Variants in BLK observed in about 807,000 individuals in gnomAD.
BLK encodes BLK proto-oncogene, Src family tyrosine kinase.
In BLK, 64 loss-of-function variants were observed where a neutral mutation model predicts 61.8. The ratio of observed to expected loss-of-function variants is 1.03; its 90% confidence interval spans 0.85 to 1.27. BLK has a LOEUF of 1.27. BLK is among the 50% of genes most tolerant of loss of function. The pLI, the probability that BLK is intolerant of heterozygous loss-of-function variation, is 0.00. For synonymous variants in BLK, 351 were observed against 272.0 expected, an observed-to-expected ratio of 1.29 and a Z score of -2.86; for missense variants, 853 against 660.5, an observed-to-expected ratio of 1.29 and a Z score of -3.19.
chr8:11,543,296 C>T lies in BLK; in HGVS notation c.72C>T (p.Ser24=), dbSNP rs138428717. The part of the protein sequence containing the change: ...PIKEKDKGQW[S]PLKVSAQDKD... ...AAGAGAAGGACAAGGGCCAATGGAG[C>T]CCCCTGAAGGTCAGCGCCCAAGACA... The change falls in exon 2 of 13, where the codon AGC becomes AGT. Residue 24 remains serine, a synonymous_variant. Coordinates refer to ENST00000259089, the MANE Select transcript of BLK (RefSeq NM_001715.3). The T allele has an allele frequency of 1.4e-4, 218 of 1,613,634 alleles. No individual in the cohort carries two copies. Among genetic ancestry groups the T allele is most frequent in the Non-Finnish European group, 1.8e-4 (211 of 1,180,026 alleles).
chr8:11,538,814 C>T (rs147424573), intron 1 of BLK, among the ~76,000 whole-genome samples: 162 of 152,328 alleles, frequency 1.1e-3, no homozygotes, highest in Non-Finnish European at 2.1e-3. Context: ...GGCCACTTAA[C>T]GGTCATTGTC....
chr8:11,560,731 G>T (rs1249994072), intron 10 of BLK: 1 of 405,820 alleles, frequency 2.5e-6, no homozygotes, highest in Non-Finnish European at 5.1e-6. Context: ...GCAGGCGCTG[G>T]GTGAGGTTCT....
Position 11,563,036 on chromosome 8 carries a change from C to T in BLK, c.1238C>T (p.Thr413Ile). 3.7e-6 allele frequency: 6 copies of T among 1,614,178 alleles called. No individual in the cohort carries two copies. Among genetic ancestry groups the T allele is most frequent in the Non-Finnish European group, 5.1e-6 (6 of 1,180,042 alleles). ...GAAGCCATCCACTTCGGGGTCTTCACCATCAAAGCAGACGTGTGGTCGTTT... is the reference window on the plus strand; with the variant it reads ...GAAGCCATCCACTTCGGGGTCTTCATCATCAAAGCAGACGTGTGGTCGTTT... ...APEAIHFGVF[T>I]IKADVWSFGV... is the part of the protein sequence containing the mutation. Residue 413 changes from threonine to isoleucine, a missense_variant, in exon 12 of 13, where the codon ACC (threonine) becomes ATC (isoleucine). Physicochemically the swap from Thr to Ile is moderately conservative, Grantham distance 89 (BLOSUM62 -1). Coordinates refer to ENST00000259089, the MANE Select transcript of BLK (RefSeq NM_001715.3).
chr8:11,540,484 G>A (rs1282260453), intron 1 of BLK, among the ~76,000 whole-genome samples: 2 of 152,046 alleles, frequency 1.3e-5, no homozygotes, highest in African/African-American at 4.8e-5. Flanking sequence ...GTCATGTAAA[G>A]CTTCAGATGA....
At chr8:11,495,582 G>A (rs1798333894) in intron 1 of BLK, among the ~76,000 whole-genome samples, 1 of 143,320 alleles carries the variant, frequency 7.0e-6, no homozygotes, top group South Asian at 2.4e-4. Flanking sequence ...GAAAACATCA[G>A]ACAAATCCAA....
chr8:11,532,220 A>G (rs1333021473), intron 1 of BLK, among the ~76,000 whole-genome samples: 1 of 96,610 alleles, frequency 1.0e-5, no homozygotes, highest in Non-Finnish European at 2.5e-5. Context: ...TTTATTTGAG[A>G]CAAAATCTCG....
chr8:11,555,136 T>G (rs1028556231), intron 7 of BLK, among the ~76,000 whole-genome samples, 196 bp from the exon 8 acceptor site: 3 of 152,098 alleles, frequency 2.0e-5, no homozygotes, highest in Non-Finnish European at 4.4e-5. Context: ...CAGGTCGATT[T>G]TAGAGATAGC....
chr8:11,553,910 A>AG (rs987322577), intron 6 of BLK, among the ~76,000 whole-genome samples: 77 of 152,168 alleles, frequency 5.1e-4, no homozygotes, highest in African/African-American at 1.8e-3. Context: ...AACGAGAACG[A>AG]GGGGTCCGTG....
At chr8:11,536,656 C>G (rs1224681665) in intron 1 of BLK, among the ~76,000 whole-genome samples, 1 of 152,186 alleles carries the variant, frequency 6.6e-6, no homozygotes, top group Non-Finnish European at 1.5e-5. Flanking sequence ...GATCTCCCAC[C>G]TCAACCTCGC....
intron 1 of BLK, among the ~76,000 whole-genome samples, chr8:11,534,275 G>A (rs990917901): frequency 6.6e-6 from 1 of 152,158 alleles, no homozygotes; most frequent in Non-Finnish European, 1.5e-5. Context: ...TGAAAAATAG[G>A]TTAAGGCCCA....
intron 1 of BLK, among the ~76,000 whole-genome samples, chr8:11,511,209 G>A (rs1251251954): frequency 6.6e-6 from 1 of 152,150 alleles, no homozygotes; most frequent in Non-Finnish European, 1.5e-5. Context: ...TTGAATTCCT[G>A]AATACAGCTC....
At chr8:11,559,957 A>G (rs2117589430) in intron 10 of BLK, 1 of 388,940 alleles carries the variant, frequency 2.6e-6, no homozygotes, top group Non-Finnish European at 5.0e-6. Flanking sequence ...CCTACTCAAC[A>G]TTTTTTAAAA....
In BLK at chr8:11,559,800, C is replaced by A. The variant is rs1025710696; in HGVS notation, c.1030-1502C>A. ...ACTTCCCACCTGGCAGAATCCTTAT[C>A]ATCATCCATGGCTCAAGCGTAATGT... On this transcript the variant is annotated intron_variant, in intron 10 of 12. Coordinates refer to ENST00000259089, the MANE Select transcript of BLK (RefSeq NM_001715.3). The A allele has an allele frequency of 1.1e-5, 5 of 456,136 alleles. No homozygotes were observed. The East Asian group carries it at 3.5e-4, about 32-fold the overall frequency. The allele number at this position is 456,136 out of a possible 1,614,324, so 28.3% of individuals were successfully genotyped here.
intron 10 of BLK, chr8:11,561,027 C>T (rs1563125842): frequency 7.9e-6 from 5 of 631,150 alleles, no homozygotes; most frequent in Non-Finnish European, 1.5e-5. Flanking sequence ...TCCATCTCTG[C>T]AGACCCTTGG....
chr8:11,540,190 T>G (rs533354742), intron 1 of BLK, among the ~76,000 whole-genome samples: 2 of 152,316 alleles, frequency 1.3e-5, no homozygotes, highest in Non-Finnish European at 2.9e-5. Context: ...GTCATACACC[T>G]AGAATTTATT....
At chr8:11,518,801 G>A (rs1316767331) in intron 1 of BLK, among the ~76,000 whole-genome samples, 1 of 152,136 alleles carries the variant, frequency 6.6e-6, no homozygotes, top group African/African-American at 2.4e-5. Flanking sequence ...TGGCTGCTCT[G>A]CTCCAAGTGC....
At chr8:11,554,947 G>T in intron 7 of BLK, 58 bp downstream of exon 7, 6 of 1,588,774 alleles carry the variant, frequency 3.8e-6, no homozygotes. Flanking sequence ...TGGATCTCTC[G>T]CTAAGATTCC....
At chr8:11,515,070 C>T (rs993176346) in intron 1 of BLK, among the ~76,000 whole-genome samples, 1 of 152,196 alleles carries the variant, frequency 6.6e-6, no homozygotes, top group Non-Finnish European at 1.5e-5. Context: ...TCCACACAGG[C>T]CAGCAGTCAC....
At chr8:11,510,806 TAA>T (rs1798971309) in intron 1 of BLK, among the ~76,000 whole-genome samples, 1 of 144,494 alleles carries the variant, frequency 6.9e-6, no homozygotes. Context: ...AATAAATAAA[TAA>T]ATAAATAAAT....
Sources: allele counts gnomAD v4.1 joint callset (sites outside exome capture counted in the v4.1 genomes callset), GRCh38; gene constraint gnomAD v4.1.1; transcripts MANE v1.5; gene names NCBI Gene and HGNC (gene_info 2026-07-23, HGNC 2026-07-21).